The following MAPK10 variants were observed in gnomAD, a reference collection of about 807,000 sequenced individuals.
MAPK10 encodes JNK3 alpha protein kinase.
Under a neutral mutation model 59.3 loss-of-function variants are expected in MAPK10, and 25 were observed. The ratio of observed to expected loss-of-function variants is 0.42; its 90% CI spans 0.31 to 0.59. MAPK10 has a LOEUF of 0.59. Ranked by LOEUF, MAPK10 falls within the 20% of genes least tolerant of loss-of-function variation. MAPK10 has a pLI of 0.15. For synonymous variants in MAPK10, 190 were observed against 200.5 expected (o/e 0.95, Z 0.44); for missense variants, 351 against 568.9 (o/e 0.62, Z 3.90).
At chr4:86,330,323 C>T (rs891730806) in intron 2 of MAPK10, among the ~76,000 whole-genome samples, 10 of 152,170 alleles carry the variant, frequency 6.6e-5, no homozygotes, top group African/African-American at 2.4e-4. Context: ...GCTTTCAACA[C>T]AAATTTTATC....
chr4:86,234,115 T>C (rs2091946179), intron 2 of MAPK10, among the ~76,000 whole-genome samples: 1 of 152,134 alleles, frequency 6.6e-6, no homozygotes, highest in Non-Finnish European at 1.5e-5. Flanking sequence ...AAATACAGAT[T>C]TCAGAATGGA....
chr4:86,383,408 C>T (rs1240414814), intron 1 of MAPK10, among the ~76,000 whole-genome samples: 3 of 152,298 alleles, frequency 2.0e-5, no homozygotes, highest in East Asian at 3.9e-4. Flanking sequence ...TACTCATTTA[C>T]CCTTTGAGCT....
intron 2 of MAPK10, among the ~76,000 whole-genome samples, chr4:86,252,588 G>C (rs1439095406): frequency 1.3e-4 from 18 of 137,248 alleles, no homozygotes; most frequent in Non-Finnish European, 1.6e-5. Context: ...TTGTAGTATA[G>C]TTTGAAGTCA....
chr4:86,440,890 T>C (rs1314728301), intron 1 of MAPK10, among the ~76,000 whole-genome samples: 1 of 152,212 alleles, frequency 6.6e-6, no homozygotes, highest in African/African-American at 2.4e-5. Flanking sequence ...TAATAATTGA[T>C]GTTTTTCTCT....
At chr4:86,479,919 T>G (rs1337867635) in intron 1 of MAPK10, among the ~76,000 whole-genome samples, 1 of 152,018 alleles carries the variant, frequency 6.6e-6, no homozygotes, top group Non-Finnish European at 1.5e-5. Flanking sequence ...CCACTCTAGG[T>G]TCCCACGCCA....
At chr4:86,532,103 T>A (rs1488214084) in intron 1 of MAPK10, among the ~76,000 whole-genome samples, 1 of 147,956 alleles carries the variant, frequency 6.8e-6, no homozygotes, top group Non-Finnish European at 1.5e-5. Context: ...TACATACATA[T>A]ATATATAATT....
chr4:86,220,224 T>C (rs2089142042), intron 2 of MAPK10, among the ~76,000 whole-genome samples: 2 of 152,148 alleles, frequency 1.3e-5, no homozygotes, highest in Admixed American at 6.5e-5. Flanking sequence ...TTGGTTGAAA[T>C]GTCACAACAA....
chr4:86,457,229 C>CTG (rs1382612520), upstream of MAPK10, among the ~76,000 whole-genome samples: 2 of 152,190 alleles, frequency 1.3e-5, no homozygotes, highest in Non-Finnish European at 2.9e-5. Flanking sequence ...TGAAAGCATT[C>CTG]TGTCTGAGAA....
intron 3 of MAPK10, chr4:86,170,999 A>G (rs1267869283): frequency 6.6e-6 from 1 of 152,186 alleles, no homozygotes; most frequent in Non-Finnish European, 1.5e-5. Context: ...AAATGAAGGC[A>G]GAAATAAAGA....
intron 1 of MAPK10, among the ~76,000 whole-genome samples, chr4:86,562,787 T>C (rs1201317340): frequency 2.0e-5 from 3 of 152,232 alleles, no homozygotes; most frequent in Non-Finnish European, 4.4e-5. Context: ...TTGTCTAATA[T>C]ACACTACACA....
chr4:86,575,399 G>A (rs776194759), intron 1 of MAPK10, among the ~76,000 whole-genome samples: 3 of 152,112 alleles, frequency 2.0e-5, no homozygotes, highest in Non-Finnish European at 4.4e-5. Flanking sequence ...TATTGGTTCT[G>A]TTTCTCTGGA....
chr4:86,189,319 A>G (rs1328511525), intron 3 of MAPK10, among the ~76,000 whole-genome samples: 1 of 152,206 alleles, frequency 6.6e-6, no homozygotes, highest in Non-Finnish European at 1.5e-5. Flanking sequence ...CATTGAATCT[A>G]TAAATTACTT....
At chr4:86,168,779 C>A (rs1335222322) in intron 3 of MAPK10, among the ~76,000 whole-genome samples, 1 of 152,230 alleles carries the variant, frequency 6.6e-6, no homozygotes, top group East Asian at 1.9e-4. Flanking sequence ...TCCCTGACCC[C>A]TGACCCCCGA....
At chr4:86,470,996 C>A (rs904459476) in intron 1 of MAPK10, among the ~76,000 whole-genome samples, 21 of 152,096 alleles carry the variant, frequency 1.4e-4, no homozygotes, top group Non-Finnish European at 7.4e-5. Context: ...TTAGGCTGGG[C>A]ATGGTGGCTC....
At chr4:86,194,644 A>T (rs1416544757) in intron 2 of MAPK10, among the ~76,000 whole-genome samples, 2 of 152,258 alleles carry the variant, frequency 1.3e-5, no homozygotes, top group Middle Eastern at 3.5e-3. Context: ...AAGATTAGAT[A>T]TAAGAAAGTG....
At chr4:86,376,962 G>C (rs1451382877) in intron 1 of MAPK10, among the ~76,000 whole-genome samples, 1 of 152,146 alleles carries the variant, frequency 6.6e-6, no homozygotes, top group East Asian at 1.9e-4. Context: ...GGGCATCCCT[G>C]CTCCAGAGTA....
intron 13 of MAPK10, among the ~76,000 whole-genome samples, chr4:86,026,149 C>G (rs535809292): frequency 1.3e-5 from 2 of 152,202 alleles, no homozygotes; most frequent in East Asian, 3.9e-4. Flanking sequence ...AAATCTCTGC[C>G]CATCCTGTTG....
chr4:86,347,198 A>C (rs1450875655), intron 2 of MAPK10, among the ~76,000 whole-genome samples: 1 of 152,316 alleles, frequency 6.6e-6, no homozygotes, highest in East Asian at 1.9e-4. Context: ...ATGCTGTTAA[A>C]CTATACACTA....
chr4:86,509,498 T>A (rs1252781286), intron 1 of MAPK10, among the ~76,000 whole-genome samples: 1 of 148,422 alleles, frequency 6.7e-6, no homozygotes, highest in Non-Finnish European at 1.5e-5. Flanking sequence ...CCTGCCAAAA[T>A]GCTTCCCTGT....
Sources: allele counts gnomAD v4.1 joint callset (sites outside exome capture counted in the v4.1 genomes callset), GRCh38; gene constraint gnomAD v4.1.1; transcripts MANE v1.5; gene names NCBI Gene and HGNC (gene_info 2026-07-23, HGNC 2026-07-21).